HS3ST4: variants seen among roughly 807,000 people sequenced by gnomAD.
HS3ST4 encodes heparan sulfate glucosamine 3-O-sulfotransferase 4.
Under a neutral mutation model 29.2 loss-of-function variants are expected in HS3ST4, and 17 were observed. That is an observed-to-expected ratio of 0.58 (90% CI 0.40 to 0.87). HS3ST4 has a LOEUF of 0.87. Ranked by LOEUF, HS3ST4 falls within the 40% of genes least tolerant of loss-of-function variation. The pLI, the probability that HS3ST4 is intolerant of heterozygous loss-of-function variation, is 0.00. For missense variants in HS3ST4, 627 were observed against 634.5 expected (o/e 0.99, Z 0.13); for synonymous variants, 314 against 285.7 (o/e 1.10, Z -1.00).
At chr16:25,700,819 T>C (rs1053697117) in intron 1 of HS3ST4, among the ~76,000 whole-genome samples, 20 of 152,180 alleles carry the variant, frequency 1.3e-4, no homozygotes, top group African/African-American at 4.8e-4. Context: ...TAAAAGAAGG[T>C]GGTTGGCTTT....
intron 1 of HS3ST4, among the ~76,000 whole-genome samples, chr16:25,799,362 A>G (rs916120256): frequency 6.6e-6 from 1 of 152,348 alleles, no homozygotes; most frequent in East Asian, 1.9e-4. Context: ...TAATAGAACA[A>G]AAAGTCCCCA....
At chr16:25,723,000 G>A (rs112191334) in intron 1 of HS3ST4, among the ~76,000 whole-genome samples, 3 of 152,212 alleles carry the variant, frequency 2.0e-5, no homozygotes, top group African/African-American at 7.2e-5. Context: ...TACATGACAG[G>A]AGACAAGAGA....
chr16:25,757,575 A>T (rs1295671398), intron 1 of HS3ST4, among the ~76,000 whole-genome samples: 2 of 148,532 alleles, frequency 1.3e-5, no homozygotes, highest in African/African-American at 4.9e-5. Context: ...TATATATAAT[A>T]TAGTAATATA....
chr16:25,767,225 A>G (rs919123508), intron 1 of HS3ST4, among the ~76,000 whole-genome samples: 1 of 152,214 alleles, frequency 6.6e-6, no homozygotes, highest in Non-Finnish European at 1.5e-5. Context: ...GCAATGCCAT[A>G]GTCATCTGCA....
chr16:25,830,446 C>T (rs1417612425), intron 1 of HS3ST4, among the ~76,000 whole-genome samples: 1 of 152,190 alleles, frequency 6.6e-6, no homozygotes, highest in Non-Finnish European at 1.5e-5. Flanking sequence ...CTCTCCTCTG[C>T]AGGGGGAGGC....
intron 1 of HS3ST4, among the ~76,000 whole-genome samples, chr16:26,039,732 C>T (rs1969618482): frequency 6.6e-6 from 1 of 152,120 alleles, no homozygotes; most frequent in Admixed American, 6.5e-5. Context: ...TCCCCCCACC[C>T]TTTCACTACC....
intron 1 of HS3ST4, among the ~76,000 whole-genome samples, chr16:26,000,936 C>A (rs1233592429): frequency 1.3e-5 from 2 of 151,846 alleles, no homozygotes; most frequent in Non-Finnish European, 1.5e-5. Flanking sequence ...CTGTATTTTT[C>A]AAAAATGTCA....
intron 1 of HS3ST4, among the ~76,000 whole-genome samples, chr16:25,714,396 C>T (rs1966438189): frequency 6.6e-6 from 1 of 152,166 alleles, no homozygotes; most frequent in Non-Finnish European, 1.5e-5. Flanking sequence ...AGAAGTTATC[C>T]AGAGTGAACA....
At chr16:25,767,888 C>T (rs543004282) in intron 1 of HS3ST4, among the ~76,000 whole-genome samples, 1 of 152,292 alleles carries the variant, frequency 6.6e-6, no homozygotes, top group East Asian at 1.9e-4. Flanking sequence ...TAATGGTGCC[C>T]CAGTCAATTA....
intron 1 of HS3ST4, among the ~76,000 whole-genome samples, chr16:25,709,665 A>T (rs879887080): frequency 6.6e-6 from 1 of 151,972 alleles, no homozygotes; most frequent in African/African-American, 2.4e-5. Flanking sequence ...AAGATTCTGC[A>T]TCTTTTCTTT....
chr16:25,791,436 G>C (rs965244492), intron 1 of HS3ST4, among the ~76,000 whole-genome samples: 1 of 151,962 alleles, frequency 6.6e-6, no homozygotes, highest in Non-Finnish European at 1.5e-5. Context: ...CAAAATATTG[G>C]CTTTTGATTG....
At chr16:25,942,215 G>C (rs8053465) in intron 1 of HS3ST4, among the ~76,000 whole-genome samples, 12,891 of 152,038 alleles carry the variant, frequency 0.085, 756 homozygotes, top group African/African-American at 0.15. Context: ...CTGGAGACTG[G>C]GGGGAGGAGA....
At chr16:25,702,623 T>C (rs887148253) in intron 1 of HS3ST4, among the ~76,000 whole-genome samples, 1 of 152,178 alleles carries the variant, frequency 6.6e-6, no homozygotes, top group African/African-American at 2.4e-5. Context: ...TGAGATCAGA[T>C]GTGTTTGAGG....
chr16:25,801,347 T>C (rs979679781), intron 1 of HS3ST4, among the ~76,000 whole-genome samples: 11 of 152,222 alleles, frequency 7.2e-5, no homozygotes, highest in Non-Finnish European at 1.6e-4. Context: ...GCTTGCAGTT[T>C]TTAATATTAT....
chr16:25,719,801 T>A (rs952835008), intron 1 of HS3ST4, among the ~76,000 whole-genome samples: 1 of 152,336 alleles, frequency 6.6e-6, no homozygotes, highest in East Asian at 1.9e-4. Flanking sequence ...TGCCCATAAC[T>A]GGATCACATT....
At chr16:25,733,236 C>G (rs145121792) in intron 1 of HS3ST4, among the ~76,000 whole-genome samples, 77 of 152,222 alleles carry the variant, frequency 5.1e-4, no homozygotes, top group African/African-American at 1.8e-3. Flanking sequence ...CTTTTTCTAT[C>G]TTTGGTTATT....
rs1555470009 is a variant in HS3ST4 at position 25,873,471 on chromosome 16, C to CATTT, written c.734+180322_734+180323insTTAT. 3.7e-3 allele frequency among the ~76,000 whole-genome samples: 335 copies of CATTT among 90,884 alleles called. 2 individuals are homozygous for CATTT. Among genetic ancestry groups the CATTT allele is most frequent in the East Asian group, 0.019 (48 of 2,584 alleles). 59.6% of individuals were successfully genotyped at this position (90,884 alleles called of 152,430 possible). On this transcript the variant is annotated intron_variant, in intron 1 of 1. Coordinates refer to ENST00000331351, the MANE Select transcript of HS3ST4 (RefSeq NM_006040.3). The stretch of plus-strand genomic sequence containing the variant: ...CCACCCATCCATTTACCCACCCATC[C>CATTT]ATCTATCTCTCTATCTATCTATCTA...
At chr16:25,715,270 C>T (rs372509240) in intron 1 of HS3ST4, among the ~76,000 whole-genome samples, 4,286 of 148,578 alleles carry the variant, frequency 0.029, 93 homozygotes, top group South Asian at 0.049. Flanking sequence ...TGCAGTGAGC[C>T]GAGATCGCGC....
At chr16:25,980,713 G>A (rs111719406) in intron 1 of HS3ST4, among the ~76,000 whole-genome samples, 4,592 of 152,200 alleles carry the variant, frequency 0.03, 254 homozygotes, top group African/African-American at 0.11. Context: ...TTTTAATCAG[G>A]TATGATAAAA....
Sources: gnomAD v4.1 joint callset for allele counts (sites outside exome capture counted in the v4.1 genomes callset) on GRCh38, gnomAD v4.1.1 for gene constraint, MANE v1.5 for transcripts, NCBI Gene and HGNC (gene_info 2026-07-23, HGNC 2026-07-21) for gene names.